The following NOX4 variants were observed in gnomAD, a reference collection of about 807,000 sequenced individuals.
NOX4 encodes the protein kidney oxidase-1.
A neutral mutation model predicts 87.6 loss-of-function variants in NOX4; 69 were observed. That is an observed-to-expected ratio of 0.79 (90% confidence interval 0.65 to 0.96). The LOEUF (loss-of-function observed/expected upper bound fraction) is 0.96, where lower values mean the gene tolerates loss of function less well. Ranked by LOEUF, NOX4 falls within the 40% of genes least tolerant of loss-of-function variation. The probability of loss-of-function intolerance (pLI) is 0.00; values close to 1 mark genes in which losing one functional copy is unlikely to be tolerated. For missense variants in NOX4, 680 were observed against 681.5 expected (o/e 1.00, Z 0.02); for synonymous variants, 275 against 238.2 (o/e 1.15, Z -1.42).
At chr11:89,568,115 A>G in the NOX4 span, among the ~76,000 whole-genome samples, 9 of 152,308 alleles carry the variant, frequency 5.9e-5, no homozygotes, top group South Asian at 1.7e-3. Flanking sequence ...TGGATAGAGC[A>G]TGCAGCTCAA....
chr11:89,471,726 TTTTG>T lies in NOX4; in HGVS notation c.153+18728_153+18731del, dbSNP rs201346245. Among the ~76,000 whole-genome samples the T allele has an allele frequency of 1.8e-3, 274 of 152,122 alleles. 5 individuals carry two copies. In the East Asian group the frequency reaches 0.018, roughly 10 times the overall value. On this transcript the variant is annotated intron_variant, in intron 2 of 17. Coordinates refer to ENST00000263317, the MANE Select transcript of NOX4 (RefSeq NM_016931.5). ...CTGATTACCTAACTTTTTTGATTGT[TTTTG>T]TTTGTTTGTTTGTTTGTTTGTTTGG...
chr11:89,451,655 G>A, intron 3 of NOX4, 130 bp downstream of exon 3: 1 of 638,960 alleles, frequency 1.6e-6, no homozygotes, highest in East Asian at 2.9e-5. Flanking sequence ...CAGGTGACAT[G>A]TCTTTTACCA....
chr11:89,486,137 A>T (rs1946580392), intron 2 of NOX4, among the ~76,000 whole-genome samples: 1 of 151,862 alleles, frequency 6.6e-6, no homozygotes, highest in Non-Finnish European at 1.5e-5. Flanking sequence ...CCCAGAAATA[A>T]AAGTGGATAC....
chr11:89,436,123 T>C (rs1166781858), intron 6 of NOX4, among the ~76,000 whole-genome samples: 1 of 152,140 alleles, frequency 6.6e-6, no homozygotes, highest in Non-Finnish European at 1.5e-5. Flanking sequence ...GCATATACAG[T>C]GTACTGTTAG....
intron 8 of NOX4, among the ~76,000 whole-genome samples, chr11:89,403,297 G>C (rs550905607): frequency 6.6e-6 from 1 of 152,236 alleles, no homozygotes; most frequent in South Asian, 2.1e-4. Context: ...TCCATAAAAT[G>C]ACAGATTGTA....
chr11:89,421,094 T>C (rs79420589), intron 8 of NOX4, among the ~76,000 whole-genome samples: 5,446 of 152,228 alleles, frequency 0.036, 315 homozygotes, highest in African/African-American at 0.12. Context: ...TATAGGGATT[T>C]CTACTTAATA....
chr11:89,466,765 C>T (rs1945713634), intron 2 of NOX4, among the ~76,000 whole-genome samples: 1 of 151,934 alleles, frequency 6.6e-6, no homozygotes, highest in Middle Eastern at 3.2e-3. Context: ...ATACATGTAA[C>T]AGGAAATCAG....
intron 17 of NOX4, among the ~76,000 whole-genome samples, chr11:89,330,665 A>G (rs1026641364): frequency 2.6e-5 from 4 of 151,654 alleles, no homozygotes; most frequent in Admixed American, 2.6e-4. Flanking sequence ...GGCTAACATT[A>G]GAGAAAAAAG....
intron 8 of NOX4, among the ~76,000 whole-genome samples, chr11:89,411,400 A>G (rs1377438326): frequency 6.6e-6 from 1 of 152,150 alleles, no homozygotes; most frequent in African/African-American, 2.4e-5. Flanking sequence ...ATTCAGCCAC[A>G]GTGGGGTAGA....
At chr11:89,477,918 T>C (rs1407078951) in intron 2 of NOX4, among the ~76,000 whole-genome samples, 1 of 152,234 alleles carries the variant, frequency 6.6e-6, no homozygotes, top group Non-Finnish European at 1.5e-5. Flanking sequence ...TATTTTTTCA[T>C]ATCACTTCAA....
chr11:89,505,197 A>G, the NOX4 span, among the ~76,000 whole-genome samples: 1 of 151,818 alleles, frequency 6.6e-6, no homozygotes, highest in East Asian at 1.9e-4. Context: ...TTTTTCCTTT[A>G]TAGCACTTTT....
chr11:89,443,898 T>G, intron 5 of NOX4: 1 of 434,462 alleles, frequency 2.3e-6, no homozygotes. Context: ...GGCAACCATC[T>G]GAACATTGCA....
At chr11:89,527,473 C>T in the NOX4 span, among the ~76,000 whole-genome samples, 1 of 152,160 alleles carries the variant, frequency 6.6e-6, no homozygotes, top group Non-Finnish European at 1.5e-5. Flanking sequence ...TTTATAGCAG[C>T]CCCCACATCA....
At chr11:89,411,252 G>C (rs1259576604) in intron 8 of NOX4, among the ~76,000 whole-genome samples, 1 of 152,120 alleles carries the variant, frequency 6.6e-6, no homozygotes, top group Non-Finnish European at 1.5e-5. Context: ...ATGGGCCTTG[G>C]GTGAGACTGA....
At chr11:89,438,867 A>ATATATATAATATATAATATATTATATAT (rs1944294815) in intron 6 of NOX4, among the ~76,000 whole-genome samples, 2 of 6,262 alleles carry the variant, frequency 3.2e-4, no homozygotes, top group Non-Finnish European at 5.0e-4. Context: ...ATTATATATT[A>ATATATATAATATATAATATATTATATAT]TATATATAAT....
intron 8 of NOX4, among the ~76,000 whole-genome samples, chr11:89,408,457 A>G (rs1442418111): frequency 6.6e-6 from 1 of 152,182 alleles, no homozygotes; most frequent in Non-Finnish European, 1.5e-5. Flanking sequence ...CAAGAGAGTA[A>G]AGTCTACTTG....
the NOX4 span, among the ~76,000 whole-genome samples, chr11:89,563,382 C>T: frequency 6.6e-6 from 1 of 152,008 alleles, no homozygotes; most frequent in Non-Finnish European, 1.5e-5. Flanking sequence ...TGATTTTATG[C>T]CACTCTTACT....
the NOX4 span, among the ~76,000 whole-genome samples, chr11:89,520,033 A>G: frequency 6.6e-6 from 1 of 152,150 alleles, no homozygotes; most frequent in South Asian, 2.1e-4. Flanking sequence ...GAAGTGTAAA[A>G]TGAGGTAGGC....
chr11:89,524,832 A>G, the NOX4 span, among the ~76,000 whole-genome samples: 1 of 152,086 alleles, frequency 6.6e-6, no homozygotes, highest in Non-Finnish European at 1.5e-5. Flanking sequence ...AACACCACAC[A>G]ACATTTCCCT....
Sources: allele counts gnomAD v4.1 joint callset (sites outside exome capture counted in the v4.1 genomes callset), GRCh38; gene constraint gnomAD v4.1.1; transcripts MANE v1.5; gene names NCBI Gene and HGNC (gene_info 2026-07-23, HGNC 2026-07-21).